Variants in UNKL observed in about 807,000 individuals in gnomAD.
UNKL encodes putative E3 ubiquitin-protein ligase UNKL.
A neutral mutation model predicts 78.0 loss-of-function variants in UNKL; 60 were observed. That is an observed-to-expected ratio of 0.77 (90% CI 0.63 to 0.95). The LOEUF is 0.95. Ranked by LOEUF, UNKL falls within the 40% of genes least tolerant of loss-of-function variation. The probability of loss-of-function intolerance (pLI) is 0.00; values close to 1 mark genes in which losing one functional copy is unlikely to be tolerated. For missense variants in UNKL, 1,159 were observed against 1,045.7 expected (o/e 1.11, Z -1.49); for synonymous variants, 608 against 474.8 (o/e 1.28, Z -3.65).
chr16:1,378,051 G>A (rs943486863), intron 10 of UNKL, among the ~76,000 whole-genome samples: 4 of 152,160 alleles, frequency 2.6e-5, no homozygotes, highest in African/African-American at 9.7e-5. Flanking sequence ...CTCCTAACCT[G>A]CTGTGCCACT....
At chr16:1,407,802 G>A (rs2037836483) in intron 2 of UNKL, among the ~76,000 whole-genome samples, 1 of 152,198 alleles carries the variant, frequency 6.6e-6, no homozygotes, top group Non-Finnish European at 1.5e-5. Context: ...CAGGGTGGCT[G>A]CAGGGCCACA....
At chr16:1,401,397 G>T (rs527632278) in intron 4 of UNKL, 171 bp downstream of exon 4, 1 of 848,196 alleles carries the variant, frequency 1.2e-6, no homozygotes, top group Non-Finnish European at 1.6e-6. Flanking sequence ...ATCCCACTCG[G>T]CACCCACCCC....
chr16:1,414,211 C>T, intron 1 of UNKL, 156 bp from the exon 2 acceptor site: 1 of 736,742 alleles, frequency 1.4e-6, no homozygotes, highest in Non-Finnish European at 2.1e-6. Context: ...CACCCCCATC[C>T]CGACTCCAGA....
intron 4 of UNKL, chr16:1,401,335 C>T: frequency 2.3e-6 from 1 of 436,070 alleles, no homozygotes. Flanking sequence ...CACTGAGATG[C>T]CAGTTGCCGC....
chr16:1,403,182 G>A lies in UNKL; in HGVS notation c.450C>T (p.Pro150=), dbSNP rs773574999. The change falls in exon 3 of 15, where the codon CCC becomes CCT. Residue 150 remains proline, a synonymous_variant. Transcript: ENST00000389221. This position sits in a 1 kb window ranked among gnomAD's most constrained non-coding sequence, Gnocchi z 4.8. ...TGCCCACTCACCTGACGTCACACAC[G>A]GGCGGCCGCAGGTCCAGGGGGCCGT... ...FAHGPLDLRP[P]VCDVRELQAQ... 2.5e-6 allele frequency: 4 copies of A among 1,611,970 alleles called. No individual in the cohort carries two copies. Among genetic ancestry groups the A allele is most frequent in the African/African-American group, 2.7e-5 (2 of 74,912 alleles).
intron 10 of UNKL, among the ~76,000 whole-genome samples, chr16:1,375,045 A>G (rs1234839285): frequency 6.6e-6 from 1 of 152,152 alleles, no homozygotes. Flanking sequence ...GGCACCAGTC[A>G]GCGCCACGGG....
chr16:1,366,950 C>T (rs916733260), intron 14 of UNKL, 142 bp downstream of exon 14: 1 of 1,407,632 alleles, frequency 7.1e-7, no homozygotes. Flanking sequence ...TGGGGTGGGG[C>T]ACCGTCTCCT....
intron 10 of UNKL, chr16:1,384,005 A>C: frequency 5.1e-6 from 1 of 196,530 alleles, no homozygotes; most frequent in East Asian, 1.2e-4. Flanking sequence ...ACCCCATCCC[A>C]TTCCACCCCA....
intron 10 of UNKL, among the ~76,000 whole-genome samples, chr16:1,377,339 G>A (rs961672617): frequency 5.9e-5 from 9 of 152,032 alleles, no homozygotes; most frequent in African/African-American, 1.4e-4. Flanking sequence ...AACTTTCAGG[G>A]GACACAATTC....
At chr16:1,379,670 G>C (rs1373888283) in intron 10 of UNKL, 1 of 984,194 alleles carries the variant, frequency 1.0e-6, no homozygotes, top group Non-Finnish European at 1.2e-6. Context: ...CCGCGCCGCC[G>C]CCGGGGATTC....
intron 10 of UNKL, among the ~76,000 whole-genome samples, chr16:1,381,590 A>G (rs1016688329): frequency 5.3e-5 from 8 of 152,208 alleles, no homozygotes; most frequent in African/African-American, 1.9e-4. Flanking sequence ...ATTGCACTCC[A>G]GCCTGCACAA....
chr16:1,392,205 T>C (rs1470899335), intron 8 of UNKL, among the ~76,000 whole-genome samples: 2 of 152,220 alleles, frequency 1.3e-5, no homozygotes, highest in East Asian at 3.9e-4. Context: ...ACAAAAAGAT[T>C]ATTTTGAGTT....
At chr16:1,394,057 T>C in intron 7 of UNKL, 74 bp downstream of exon 7, 3 of 1,465,038 alleles carry the variant, frequency 2.0e-6, no homozygotes, top group Non-Finnish European at 2.8e-6. Flanking sequence ...CTCCGGGTCA[T>C]CGGTAACTCC....
At chr16:1,405,990 G>A (rs1233733671) in intron 2 of UNKL, 2 of 456,768 alleles carry the variant, frequency 4.4e-6, no homozygotes, top group Non-Finnish European at 8.8e-6. Context: ...TAGGAGGCCC[G>A]TGGCCCATGT....
intron 6 of UNKL, 143 bp from the exon 7 acceptor site, chr16:1,394,358 C>G (rs2037171882): frequency 1.0e-6 from 1 of 965,486 alleles, no homozygotes; most frequent in Admixed American, 2.0e-5. Flanking sequence ...GCCCTGCCCT[C>G]CTCCACGTGT....
Position 1,399,449 on chromosome 16 carries a change from C to T in UNKL, c.659G>A (p.Cys220Tyr). The T allele has an allele frequency of 6.2e-7, 1 of 1,604,952 alleles. No homozygotes were observed. The highest frequency in any genetic ancestry group is 8.5e-7 in the Non-Finnish European group (1 of 1,176,428). Reference sequence around the variant, plus strand: ...GTGTGGGCACGCATAGCCCTGGCGGCACAGGCGTGGCGGCTTCGGGCACTG... The same window carrying T: ...GTGTGGGCACGCATAGCCCTGGCGGTACAGGCGTGGCGGCTTCGGGCACTG... ...TEQCPKPPRLCRQGYACPHYH... is the reference protein window; with the variant it reads ...TEQCPKPPRLYRQGYACPHYH... Residue 220 changes from cysteine (C) to tyrosine (Y), a missense_variant, in exon 5 of 15, where the codon TGC (cysteine) becomes TAC (tyrosine). Cys to Tyr is a radical substitution (Grantham distance 194). Transcript: ENST00000389221. The surrounding 1 kb of genome is among the most constrained non-coding windows in gnomAD (Gnocchi z 5.8).
rs528191836 is a variant in UNKL, at chr16:1,394,039, G to A, written c.937+92C>T. The A allele has an allele frequency of 7.0e-5, 95 of 1,350,550 alleles. 1 individual carries two copies. The Admixed American group carries it at 9.4e-4, about 13-fold the overall frequency. 83.7% of individuals were successfully genotyped at this position (1,350,550 alleles called of 1,614,324 possible). On this transcript the variant is annotated intron_variant, in intron 7 of 14. Coordinates refer to ENST00000389221, the MANE Select transcript of UNKL (RefSeq NM_001372107.1). ...GCTCCTGCCCGCCTTCCAGGTCCTC[G>A]TGGGCAGCTCCGGGTCATCGGTAAC...
At chr16:1,367,002 G>T in intron 14 of UNKL, 90 bp downstream of exon 14, 1 of 1,436,844 alleles carries the variant, frequency 7.0e-7, no homozygotes. Flanking sequence ...GGGGAGGAAG[G>T]GGACACCGCA....
chr16:1,413,777 C>A, intron 2 of UNKL, 69 bp downstream of exon 2: 2 of 1,453,470 alleles, frequency 1.4e-6, no homozygotes, highest in South Asian at 2.8e-5. Flanking sequence ...GCTGAGGGTC[C>A]CGGCCGCATC....
Sources: gnomAD v4.1 joint callset for allele counts (sites outside exome capture counted in the v4.1 genomes callset) on GRCh38, gnomAD v4.1.1 for gene constraint, Gnocchi (gnomAD v3.1) non-coding constraint, MANE v1.5 for transcripts, NCBI Gene and HGNC (gene_info 2026-07-23, HGNC 2026-07-21) for gene names.